Variants in PRPF6 observed in about 807,000 individuals in gnomAD.
PRPF6 encodes pre-mRNA processing factor 6.
A neutral mutation model predicts 118.3 loss-of-function variants in PRPF6; 42 were observed. That is an observed-to-expected ratio of 0.35 (90% CI 0.28 to 0.46). The LOEUF is 0.46. PRPF6 is among the 20% of genes least tolerant of loss of function. The pLI, the probability that PRPF6 is intolerant of heterozygous loss-of-function variation, is 1.00. For missense variants in PRPF6, 662 were observed against 1,255.7 expected, an observed-to-expected ratio of 0.53 and a Z score of 7.15; for synonymous variants, 481 against 485.1, an observed-to-expected ratio of 0.99 and a Z score of 0.11.
Position 64,027,965 on chromosome 20 carries a change from A to T in PRPF6, c.2339+229A>T, listed in dbSNP as rs2059298741. On this transcript the variant is annotated intron_variant, in intron 17 of 20. Coordinates refer to ENST00000266079, the MANE Select transcript of PRPF6 (RefSeq NM_012469.4). This position sits in a 1 kb window ranked among gnomAD's most constrained non-coding sequence, Gnocchi z 6.5. ...TTGATGCAGTTTAATTTGTGTTCTG[A>T]TGGAGGGCGCCTGGGAGAGGGAGGG... is the stretch of plus-strand genomic sequence containing the variant. Among the ~76,000 whole-genome samples, 2 of 151,968 alleles carry T rather than the reference A, an allele frequency of 1.3e-5. No homozygotes were observed. The highest frequency in any genetic ancestry group is 4.2e-4 in the South Asian group (2 of 4,818).
At chr20:63,999,905 C>T in intron 8 of PRPF6, 146 bp downstream of exon 8, 2 of 1,070,536 alleles carry the variant, frequency 1.9e-6, no homozygotes, top group Admixed American at 2.4e-5. Flanking sequence ...GAAAAGCAGC[C>T]AAGGGCTTTT....
chr20:63,996,235 A>G (rs567058016), intron 6 of PRPF6, among the ~76,000 whole-genome samples: 2 of 152,230 alleles, frequency 1.3e-5, no homozygotes, highest in African/African-American at 4.8e-5. Context: ...GCTACTTGGG[A>G]GGCTAAGGCA....
At chr20:64,010,412 T>A in intron 10 of PRPF6, 94 bp downstream of exon 10, 1 of 1,064,824 alleles carries the variant, frequency 9.4e-7, no homozygotes. Context: ...AGTGGAGCAT[T>A]GAGCTCACTC....
chr20:64,029,630 C>T lies in PRPF6; in HGVS notation c.2546+139C>T, dbSNP rs887017297. Reference sequence around the variant, plus strand: ...TCCCCGATCCTCGGCTGCCGTCGCTCCTGCTGTGGTCTGGGGCAGGCGCCT... The same window carrying T: ...TCCCCGATCCTCGGCTGCCGTCGCTTCTGCTGTGGTCTGGGGCAGGCGCCT... On this transcript the variant is annotated intron_variant, in intron 19 of 20. Transcript: ENST00000266079. The surrounding 1 kb of genome is among the most constrained non-coding windows in gnomAD (Gnocchi z 4.8). 7.8e-6 allele frequency: 6 copies of T among 766,432 alleles called. No individual in the cohort carries two copies. The highest frequency in any genetic ancestry group is 1.3e-5 in the Non-Finnish European group (6 of 455,734). The allele number at this position is 766,432 out of a possible 1,614,324, so 47.5% of individuals were successfully genotyped here.
Position 63,993,554 on chromosome 20 carries a change from C to T in PRPF6, c.438+69C>T, listed in dbSNP as rs1183614076. 7 of 1,304,314 alleles carry T rather than the reference C, an allele frequency of 5.4e-6. No individual in the cohort carries two copies. In the Admixed American group the frequency reaches 6.8e-5, roughly 13 times the overall value. The allele number at this position is 1,304,314 out of a possible 1,614,324, so 80.8% of individuals were successfully genotyped here. A position where few individuals can be genotyped will look rare whatever the true frequency, so the allele number is the denominator to read the frequency against. Reference sequence around the variant, plus strand: ...TCACCCTAACCCGCAGAGACTCAGACTGCTCTTACGTGGAATTTATGAGAC... The same window carrying T: ...TCACCCTAACCCGCAGAGACTCAGATTGCTCTTACGTGGAATTTATGAGAC... On this transcript the variant is annotated intron_variant, in intron 4 of 20. Coordinates refer to ENST00000266079, the MANE Select transcript of PRPF6 (RefSeq NM_012469.4).
chr20:64,014,842 A>C (rs776639061), intron 11 of PRPF6, among the ~76,000 whole-genome samples: 1 of 152,162 alleles, frequency 6.6e-6, no homozygotes, highest in Non-Finnish European at 1.5e-5. Flanking sequence ...TGCTACGATG[A>C]AAGTGAAAAA....
At chr20:64,004,002 T>C (rs1330103898) in intron 9 of PRPF6, among the ~76,000 whole-genome samples, 2 of 152,206 alleles carry the variant, frequency 1.3e-5, no homozygotes, top group African/African-American at 2.4e-5. Flanking sequence ...AATAGTTCTT[T>C]GATGAAGAGC....
rs779977983 is a variant in PRPF6, at chr20:64,028,055, G to A, written c.2339+319G>A. ...GAGCCAGCTCCACAGAGGAGGTGGC[G>A]TGGAGAGCCCTGGAGGTGGACAGGA... On this transcript the variant is annotated intron_variant, in intron 17 of 20. Coordinates refer to ENST00000266079, the MANE Select transcript of PRPF6 (RefSeq NM_012469.4). The surrounding 1 kb of genome is among the most constrained non-coding windows in gnomAD (Gnocchi z 6.5). Among the ~76,000 whole-genome samples the A allele has an allele frequency of 1.3e-5, 2 of 152,188 alleles. No individual in the cohort carries two copies. The highest frequency in any genetic ancestry group is 2.4e-5 in the African/African-American group (1 of 41,444).
At chr20:63,999,815 G>C in intron 8 of PRPF6, 56 bp downstream of exon 8, 7 of 1,594,884 alleles carry the variant, frequency 4.4e-6, no homozygotes, top group Non-Finnish European at 5.1e-6. Flanking sequence ...TGGCCCCTAC[G>C]GGAGTAAACT....
At chr20:64,024,830 C>T (rs1331554669) in intron 14 of PRPF6, 137 bp downstream of exon 14, 8 of 1,334,846 alleles carry the variant, frequency 6.0e-6, no homozygotes, top group Non-Finnish European at 8.2e-6. Context: ...AGGGGCTGCT[C>T]CACAGGAGCA....
At chr20:63,997,303 T>TC (rs1443805922) in intron 6 of PRPF6, among the ~76,000 whole-genome samples, 1 of 149,464 alleles carries the variant, frequency 6.7e-6, no homozygotes, top group Non-Finnish European at 1.5e-5. Flanking sequence ...TTTTTTTTTT[T>TC]TTTTTGAGAC....
intron 11 of PRPF6, among the ~76,000 whole-genome samples, chr20:64,014,584 C>T (rs925124563): frequency 4.6e-5 from 7 of 151,836 alleles, no homozygotes; most frequent in East Asian, 1.9e-4. Context: ...TTGAACCTGG[C>T]GGAGGCAGAG....
At chr20:63,988,498 A>C (rs2059104707) in intron 3 of PRPF6, among the ~76,000 whole-genome samples, 1 of 151,898 alleles carries the variant, frequency 6.6e-6, no homozygotes, top group Non-Finnish European at 1.5e-5. Flanking sequence ...CTCCATCTTA[A>C]AATAAAAGAA....
intron 3 of PRPF6, among the ~76,000 whole-genome samples, chr20:63,988,995 C>G (rs1041414992): frequency 2.6e-5 from 4 of 152,130 alleles, no homozygotes; most frequent in African/African-American, 7.2e-5. Context: ...TCAAATTATA[C>G]TACAGAGCTG....
At chr20:63,992,447 A>G (rs1378728838) in intron 3 of PRPF6, among the ~76,000 whole-genome samples, 3 of 151,890 alleles carry the variant, frequency 2.0e-5, no homozygotes, top group Admixed American at 6.6e-5. Flanking sequence ...TTTTTAGTAT[A>G]GATGGGGTTT....
intron 1 of PRPF6, among the ~76,000 whole-genome samples, chr20:63,982,488 G>C (rs1204788345): frequency 6.6e-6 from 1 of 152,182 alleles, no homozygotes; most frequent in Non-Finnish European, 1.5e-5. Flanking sequence ...TTTACTCAGA[G>C]CTGTGTTTTG....
chr20:64,030,537 C>T (rs1030962959), intron 19 of PRPF6, among the ~76,000 whole-genome samples: 6 of 152,162 alleles, frequency 3.9e-5, no homozygotes, highest in Admixed American at 6.5e-5. Context: ...CGCAGGCCCC[C>T]GACAGATGAG....
chr20:63,983,627 G>A (rs897228321), intron 2 of PRPF6, among the ~76,000 whole-genome samples: 2 of 150,308 alleles, frequency 1.3e-5, no homozygotes, highest in African/African-American at 4.9e-5. Flanking sequence ...TAGGACCACT[G>A]CCTTGGCATT....
rs778042097 is a variant in PRPF6 at position 63,999,125 on chromosome 20, C to T, written c.852C>T (p.His284=). The stretch of plus-strand genomic sequence containing the variant: ...ATTTAAATTCCATGATCCCGACACA[C>T]GGAGGAGACATCAAGTGAGTGCTTT... ...LTDLNSMIPT[H]GGDINDIKKA... is the part of the protein sequence containing the mutation. Residue 284 remains histidine, a synonymous_variant, in exon 7 of 21, where the codon CAC becomes CAT. Coordinates refer to ENST00000266079, the MANE Select transcript of PRPF6 (RefSeq NM_012469.4). The T allele has an allele frequency of 1.8e-5, 29 of 1,613,662 alleles. No homozygotes were observed. The highest frequency in any genetic ancestry group is 4.5e-5 in the East Asian group (2 of 44,892).
Sources: allele counts gnomAD v4.1 joint callset (sites outside exome capture counted in the v4.1 genomes callset), GRCh38; gene constraint gnomAD v4.1.1; non-coding constraint Gnocchi (gnomAD v3.1); transcripts MANE v1.5; gene names NCBI Gene and HGNC (gene_info 2026-07-23, HGNC 2026-07-21).